Variants in ACTR3C observed in about 807,000 individuals in gnomAD.
The protein encoded by ACTR3C is actin related protein 3C, also known as actin-related protein 3C.
Under a neutral mutation model 26.3 loss-of-function variants are expected in ACTR3C, and 18 were observed. That is an observed-to-expected ratio of 0.68 (90% confidence interval 0.47 to 1.01). The LOEUF (loss-of-function observed/expected upper bound fraction) is 1.01. ACTR3C is among the 50% of genes least tolerant of loss of function. The pLI is 0.00. For synonymous variants in ACTR3C, 55 were observed against 94.5 expected, an observed-to-expected ratio of 0.58 and a Z score of 2.42; for missense variants, 184 against 250.7, an observed-to-expected ratio of 0.73 and a Z score of 1.80.
chr7:150,169,868 C>T, the ACTR3C span, among the ~76,000 whole-genome samples: 3 of 150,708 alleles, frequency 2.0e-5, no homozygotes, highest in Admixed American at 6.6e-5. Context: ...ACTCTCCTTC[C>T]TTTTCTCCTT....
At chr7:149,884,769 C>T in the ACTR3C span, among the ~76,000 whole-genome samples, 21 of 152,304 alleles carry the variant, frequency 1.4e-4, no homozygotes, top group Non-Finnish European at 2.9e-4. Context: ...GGGAATCATG[C>T]GCCGGGTGCA....
chr7:150,142,798 G>A, the ACTR3C span, among the ~76,000 whole-genome samples: 3,838 of 151,190 alleles, frequency 0.025, 107 homozygotes, highest in African/African-American at 0.068. Flanking sequence ...CAAAGTGCTG[G>A]GATTACAGGT....
At chr7:150,233,872 T>C in the ACTR3C span, among the ~76,000 whole-genome samples, 2 of 152,222 alleles carry the variant, frequency 1.3e-5, no homozygotes, top group Non-Finnish European at 2.9e-5. Flanking sequence ...TCTTGCTTTT[T>C]TTCATACCTT....
the ACTR3C span, among the ~76,000 whole-genome samples, chr7:150,220,528 C>T: frequency 1.3e-5 from 2 of 151,016 alleles, no homozygotes; most frequent in African/African-American, 2.4e-5. Context: ...TGCTGGGACC[C>T]CGGAGGGAAG....
the ACTR3C span, among the ~76,000 whole-genome samples, chr7:150,139,360 A>C: frequency 6.6e-6 from 1 of 152,238 alleles, no homozygotes; most frequent in Non-Finnish European, 1.5e-5. Flanking sequence ...AAATAAAATA[A>C]AAAAATGAGG....
At chr7:150,206,305 GC>G in the ACTR3C span, among the ~76,000 whole-genome samples, 2 of 152,316 alleles carry the variant, frequency 1.3e-5, no homozygotes, top group Non-Finnish European at 2.9e-5. Flanking sequence ...TCAACTAGTG[GC>G]TTTATTCCCC....
intron 5 of ACTR3C, among the ~76,000 whole-genome samples, chr7:150,285,162 T>C (rs1835670962): frequency 6.6e-6 from 1 of 152,108 alleles, no homozygotes; most frequent in South Asian, 2.1e-4. Context: ...ATGTGCACGA[T>C]CTACGTGACA....
the ACTR3C span, among the ~76,000 whole-genome samples, chr7:150,035,755 G>T: frequency 7.1e-6 from 1 of 140,526 alleles, no homozygotes; most frequent in African/African-American, 2.6e-5. Flanking sequence ...CTCGCGGGGG[G>T]TGCGTCCCCC....
At chr7:150,035,828 T>A in the ACTR3C span, among the ~76,000 whole-genome samples, 29 of 101,958 alleles carry the variant, frequency 2.8e-4, 3 homozygotes, top group Non-Finnish European at 5.5e-4. Context: ...GTCCCTGCCT[T>A]GCGGGGGTTG....
chr7:150,115,053 G>A, the ACTR3C span, among the ~76,000 whole-genome samples: 2 of 152,030 alleles, frequency 1.3e-5, no homozygotes, highest in South Asian at 2.1e-4. Flanking sequence ...CAAATCCCAC[G>A]TCTAGGAAAT....
chr7:150,145,193 A>G, the ACTR3C span, among the ~76,000 whole-genome samples: 3 of 152,206 alleles, frequency 2.0e-5, no homozygotes, highest in Non-Finnish European at 2.9e-5. Flanking sequence ...GCATAAGCCA[A>G]CCTGATGAGG....
At chr7:150,107,112 C>T in the ACTR3C span, among the ~76,000 whole-genome samples, 1 of 144,610 alleles carries the variant, frequency 6.9e-6, no homozygotes, top group East Asian at 2.0e-4. Flanking sequence ...AATGCACACA[C>T]ACTCTTTGAG....
chr7:150,119,571 C>T, the ACTR3C span, among the ~76,000 whole-genome samples: 1 of 150,966 alleles, frequency 6.6e-6, no homozygotes, highest in Non-Finnish European at 1.5e-5. Context: ...CAGGAGCACC[C>T]AGATTCATAA....
At chr7:150,047,954 G>C in the ACTR3C span, 1 of 1,217,746 alleles carries the variant, frequency 8.2e-7, no homozygotes, top group Non-Finnish European at 1.0e-6. Context: ...AAAAAAGGCG[G>C]TGGGGAGGCA....
the ACTR3C span, among the ~76,000 whole-genome samples, chr7:149,932,751 A>G: frequency 0.93 from 139,347 of 149,390 alleles, 65,425 homozygotes; most frequent in Non-Finnish European, 0.99. Context: ...CAGCAGGGCG[A>G]GACAGGGCAG....
chr7:150,217,150 T>C, the ACTR3C span, among the ~76,000 whole-genome samples: 1 of 146,276 alleles, frequency 6.8e-6, no homozygotes, highest in Non-Finnish European at 1.5e-5. Context: ...GCCCCACACA[T>C]GGATTAGTTT....
the ACTR3C span, among the ~76,000 whole-genome samples, chr7:150,039,826 T>C: frequency 4.1e-5 from 5 of 121,558 alleles, no homozygotes; most frequent in African/African-American, 6.2e-5. Flanking sequence ...GGGGGGTGCC[T>C]CCGCCCCCAG....
the ACTR3C span, among the ~76,000 whole-genome samples, chr7:150,225,304 T>C: frequency 6.6e-6 from 1 of 152,298 alleles, no homozygotes; most frequent in East Asian, 1.9e-4. Flanking sequence ...TACACAAATA[T>C]CTATAAATAT....
At chr7:150,172,965 C>G in the ACTR3C span, among the ~76,000 whole-genome samples, 1 of 149,012 alleles carries the variant, frequency 6.7e-6, no homozygotes, top group South Asian at 2.1e-4. Flanking sequence ...CAGCTCCACT[C>G]CTGTCGCTTG....
Sources: allele counts gnomAD v4.1 joint callset (sites outside exome capture counted in the v4.1 genomes callset), GRCh38; gene constraint gnomAD v4.1.1; transcripts MANE v1.5; gene names NCBI Gene and HGNC (gene_info 2026-07-23, HGNC 2026-07-21).